IGSF21: variants seen among roughly 807,000 people sequenced by gnomAD.
IGSF21 encodes the protein immunoglobulin superfamily member 21.
IGSF21 carries 28 observed loss-of-function variants against 46.8 expected under a neutral mutation model. The observed-to-expected ratio is 0.60, with a 90% CI of 0.44 to 0.82. The LOEUF (loss-of-function observed/expected upper bound fraction) is 0.82, where lower values mean the gene tolerates loss of function less well. Among genes scored for constraint, IGSF21 ranks in the 40% least tolerant of loss-of-function variants. IGSF21 has a pLI of 0.00. For missense variants in IGSF21, 624 were observed against 665.5 expected (o/e 0.94, Z 0.69); for synonymous variants, 284 against 273.6 (o/e 1.04, Z -0.38).
intron 6 of IGSF21, among the ~76,000 whole-genome samples, chr1:18,374,841 A>G (rs895285248): frequency 1.3e-5 from 2 of 152,164 alleles, no homozygotes; most frequent in African/African-American, 4.8e-5. Flanking sequence ...CCAGGGCCTC[A>G]GGACAAACCT....
intron 3 of IGSF21, among the ~76,000 whole-genome samples, chr1:18,332,555 C>T (rs2085724572): frequency 6.6e-6 from 1 of 151,554 alleles, no homozygotes; most frequent in Non-Finnish European, 1.5e-5. Context: ...TCAGTAATGG[C>T]GCCTGGTAGA....
At chr1:18,243,939 T>C (rs568735217) in intron 2 of IGSF21, among the ~76,000 whole-genome samples, 1 of 152,312 alleles carries the variant, frequency 6.6e-6, no homozygotes, top group Non-Finnish European at 1.5e-5. Context: ...ATTCTCCATA[T>C]CTGTGTCTAT....
chr1:18,225,727 C>A (rs2084560005), intron 1 of IGSF21, among the ~76,000 whole-genome samples: 1 of 152,134 alleles, frequency 6.6e-6, no homozygotes. Context: ...GGGTCAGGTC[C>A]TCAACTCCTA....
At chr1:18,226,080 C>T (rs919345433) in intron 1 of IGSF21, among the ~76,000 whole-genome samples, 1 of 152,212 alleles carries the variant, frequency 6.6e-6, no homozygotes, top group Non-Finnish European at 1.5e-5. Context: ...CACATGTGAG[C>T]CAGTATCACA....
In IGSF21 at chr1:18,372,840, G is replaced by A. The variant is rs970380818; in HGVS notation, c.1016-3470G>A. ...TGGATATTTGGATGGATGGATGGAT[G>A]GATGGATGGATGGATGGATGGATGG... On this transcript the variant is annotated intron_variant, in intron 6 of 9. Transcript: ENST00000251296. Among the ~76,000 whole-genome samples, 260 of 98,612 alleles carry A rather than the reference G, an allele frequency of 2.6e-3. 1 individual carries two copies. Among genetic ancestry groups the A allele is most frequent in the African/African-American group, 0.011 (250 of 23,424 alleles). 64.7% of individuals were successfully genotyped at this position (98,612 alleles called of 152,430 possible).
chr1:18,352,651 C>T (rs2085969683), intron 4 of IGSF21, among the ~76,000 whole-genome samples: 1 of 152,208 alleles, frequency 6.6e-6, no homozygotes, highest in Non-Finnish European at 1.5e-5. Flanking sequence ...GCAATAGCCT[C>T]AGTTGGGTCC....
chr1:18,362,495 C>T (rs541436702), intron 5 of IGSF21, among the ~76,000 whole-genome samples: 14 of 152,346 alleles, frequency 9.2e-5, no homozygotes, highest in African/African-American at 3.4e-4. Flanking sequence ...CAGGAGCAGC[C>T]TTTCGGGGAG....
chr1:18,252,436 T>TAACAGGTAGA (rs1040264627), intron 2 of IGSF21, among the ~76,000 whole-genome samples: 2 of 152,228 alleles, frequency 1.3e-5, no homozygotes, highest in African/African-American at 4.8e-5. Flanking sequence ...TTCTGCATTT[T>TAACAGGTAGA]AACAGGTAGA....
intron 1 of IGSF21, among the ~76,000 whole-genome samples, chr1:18,168,683 C>T (rs553839980): frequency 1.3e-5 from 2 of 152,192 alleles, no homozygotes; most frequent in African/African-American, 2.4e-5. Flanking sequence ...GCTCCCTATC[C>T]GAATTAACCT....
At chr1:18,282,403 C>T (rs777650175) in intron 2 of IGSF21, among the ~76,000 whole-genome samples, 1 of 152,050 alleles carries the variant, frequency 6.6e-6, no homozygotes, top group Non-Finnish European at 1.5e-5. Context: ...CTTTCTATTT[C>T]CCCTGCTTCC....
In IGSF21 at chr1:18,256,541, C is replaced by T. The variant is rs373995029; in HGVS notation, c.183+28531C>T. ...GTTCCCGTGTTTCAGCAAGGGGCAG[C>T]CTCACTCAGAAACCACCCTGGCGGT... On this transcript the variant is annotated intron_variant, in intron 2 of 9. Transcript: ENST00000251296. 3.9e-5 allele frequency among the ~76,000 whole-genome samples: 6 copies of T among 152,112 alleles called. No homozygotes were observed. The East Asian group carries it at 5.8e-4, about 15-fold the overall frequency.
Position 18,139,076 on chromosome 1 carries a change from T to G in IGSF21, c.70+30878T>G, listed in dbSNP as rs9725826. Among the ~76,000 whole-genome samples, 476 of 152,340 alleles carry G rather than the reference T, an allele frequency of 3.1e-3. 2 individuals are homozygous for G. Among genetic ancestry groups the G allele is most frequent in the African/African-American group, 0.011 (450 of 41,578 alleles). ...CTGGTGCAGGAGCGCTCTTCCCTCT[T>G]GGGTGCAGAGTCCATATTTTCTGGA... On this transcript the variant is annotated intron_variant, in intron 1 of 9. Transcript: ENST00000251296.
intron 1 of IGSF21, among the ~76,000 whole-genome samples, chr1:18,148,275 C>G (rs189671190): frequency 6.6e-6 from 1 of 151,870 alleles, no homozygotes; most frequent in Non-Finnish European, 1.5e-5. Flanking sequence ...GGACTACAGG[C>G]GCCCACCACC....
chr1:18,216,352 A>G (rs1175138810), intron 1 of IGSF21, among the ~76,000 whole-genome samples: 1 of 152,240 alleles, frequency 6.6e-6, no homozygotes, highest in Non-Finnish European at 1.5e-5. Flanking sequence ...TAAGGGACTC[A>G]GTTGGCCATG....
chr1:18,184,400 G>C (rs12085105), intron 1 of IGSF21, among the ~76,000 whole-genome samples: 2 of 152,068 alleles, frequency 1.3e-5, no homozygotes, highest in African/African-American at 4.8e-5. Context: ...GGGGTCCCCA[G>C]TCTCGGTCCT....
intron 1 of IGSF21, among the ~76,000 whole-genome samples, chr1:18,148,118 A>T (rs9728173): frequency 0.87 from 125,690 of 144,918 alleles, 55,809 homozygotes; most frequent in Non-Finnish European, 0.96. Context: ...TTACTCAGTC[A>T]CAAGTATGTC....
At chr1:18,212,193 T>C (rs2084399470) in intron 1 of IGSF21, among the ~76,000 whole-genome samples, 1 of 152,244 alleles carries the variant, frequency 6.6e-6, no homozygotes, top group Non-Finnish European at 1.5e-5. Flanking sequence ...GCCATCTCTC[T>C]GCATCTCCCC....
chr1:18,254,357 AAACCCTAACCCTAACCCT>A (rs146760306), intron 2 of IGSF21, among the ~76,000 whole-genome samples: 2 of 147,764 alleles, frequency 1.4e-5, no homozygotes, highest in Non-Finnish European at 3.0e-5. Context: ...GAATGGCTCA[AAACCCTAACCCTAACCCT>A]AACCCTAACC....
chr1:18,135,606 G>A (rs1204415515), intron 1 of IGSF21, among the ~76,000 whole-genome samples: 1 of 152,072 alleles, frequency 6.6e-6, no homozygotes, highest in Non-Finnish European at 1.5e-5. Flanking sequence ...ATTTTTTATG[G>A]CTGCATAGTA....
Sources: gnomAD v4.1 joint callset for allele counts (sites outside exome capture counted in the v4.1 genomes callset) on GRCh38, gnomAD v4.1.1 for gene constraint, MANE v1.5 for transcripts, NCBI Gene and HGNC (gene_info 2026-07-23, HGNC 2026-07-21) for gene names.